The following ASAP1 variants were observed in gnomAD, a reference collection of about 807,000 sequenced individuals.
ASAP1 encodes arf-GAP with SH3 domain, ANK repeat and PH domain-containing protein 1.
ASAP1 carries 43 observed loss-of-function variants against 145.2 expected under a neutral mutation model. The observed-to-expected ratio is 0.30, with a 90% CI of 0.23 to 0.38. ASAP1 has a LOEUF of 0.38. Among genes scored for constraint, ASAP1 ranks in the 10% least tolerant of loss-of-function variants. The pLI, the probability that ASAP1 is intolerant of heterozygous loss-of-function variation, is 1.00. For missense variants in ASAP1, 1,018 were observed against 1,355.3 expected (o/e 0.75, Z 3.91); for synonymous variants, 546 against 515.5 (o/e 1.06, Z -0.80).
intron 2 of ASAP1, among the ~76,000 whole-genome samples, chr8:130,373,375 C>T (rs1827322902): frequency 6.6e-6 from 1 of 152,096 alleles, no homozygotes; most frequent in Admixed American, 6.5e-5. Context: ...AAACTGAACA[C>T]AGCAGTTATG....
chr8:130,395,330 C>G (rs535668669), intron 2 of ASAP1, among the ~76,000 whole-genome samples: 68 of 152,346 alleles, frequency 4.5e-4, no homozygotes, highest in African/African-American at 1.4e-3. Flanking sequence ...TTAGCCACCC[C>G]CTCATCCATG....
intron 24 of ASAP1, among the ~76,000 whole-genome samples, 194 bp from the exon 25 acceptor site, chr8:130,092,337 T>A (rs200537060): frequency 1.3e-5 from 2 of 148,582 alleles, no homozygotes; most frequent in African/African-American, 4.9e-5. Flanking sequence ...AAAAAAAAAA[T>A]AAAATTGGCC....
At chr8:130,195,992 G>C (rs1164207375) in intron 5 of ASAP1, among the ~76,000 whole-genome samples, 1 of 152,154 alleles carries the variant, frequency 6.6e-6, no homozygotes, top group Non-Finnish European at 1.5e-5. Flanking sequence ...CTTCTTAAGG[G>C]GAGGCCCTGT....
intron 1 of ASAP1, among the ~76,000 whole-genome samples, chr8:130,407,993 G>A (rs1373451429): frequency 6.6e-6 from 1 of 152,136 alleles, no homozygotes; most frequent in Non-Finnish European, 1.5e-5. Context: ...TAGAAAATCA[G>A]GGACCTAAAG....
chr8:130,082,350 C>A (rs1564938050), intron 25 of ASAP1, among the ~76,000 whole-genome samples: 1 of 151,842 alleles, frequency 6.6e-6, no homozygotes, highest in Non-Finnish European at 1.5e-5. Context: ...CAAGGTAGGG[C>A]ATTTATTTTT....
chr8:130,300,147 CACACACAGAGAGAG>C (rs769173106), intron 3 of ASAP1, among the ~76,000 whole-genome samples: 102 of 100,328 alleles, frequency 1.0e-3, no homozygotes, highest in Non-Finnish European at 1.6e-3. Context: ...CACACACACA[CACACACAGAGAGAG>C]AGAGAGAGAG....
At chr8:130,390,308 G>C (rs891900001) in intron 2 of ASAP1, among the ~76,000 whole-genome samples, 3 of 152,214 alleles carry the variant, frequency 2.0e-5, no homozygotes, top group Non-Finnish European at 4.4e-5. Flanking sequence ...ACATGTGGCA[G>C]ACACAGAATA....
intron 25 of ASAP1, among the ~76,000 whole-genome samples, chr8:130,087,525 A>G (rs1421287833): frequency 6.6e-6 from 1 of 152,094 alleles, no homozygotes; most frequent in African/African-American, 2.4e-5. Flanking sequence ...TTCGAAATAA[A>G]AAAAAGAGAA....
At chr8:130,186,436 C>T (rs1196947716) in intron 7 of ASAP1, among the ~76,000 whole-genome samples, 2 of 152,128 alleles carry the variant, frequency 1.3e-5, no homozygotes. Flanking sequence ...TTGTCCAAGA[C>T]TTTTATTAAA....
In ASAP1 at chr8:130,300,153, C is replaced by CAG. The variant is rs369720584; in HGVS notation, c.186+57862_186+57863dup. 4.4e-3 allele frequency among the ~76,000 whole-genome samples: 340 copies of CAG among 76,896 alleles called. 3 individuals carry two copies. Among genetic ancestry groups the CAG allele is most frequent in the Non-Finnish European group, 5.5e-3 (222 of 40,536 alleles). 50.4% of individuals were successfully genotyped at this position (76,896 alleles called of 152,430 possible). ...ACACACACACACACACACACACACA[C>CAG]AGAGAGAGAGAGAGAGAGAGAGAGA... On this transcript the variant is annotated intron_variant, in intron 3 of 29. Coordinates refer to ENST00000518721, the MANE Select transcript of ASAP1 (RefSeq NM_018482.4).
chr8:130,085,731 T>A (rs1393427211), intron 25 of ASAP1, among the ~76,000 whole-genome samples: 6 of 126,216 alleles, frequency 4.8e-5, no homozygotes, highest in African/African-American at 1.9e-4. Flanking sequence ...CAAGACGTTG[T>A]CTTTAAGAAA....
intron 2 of ASAP1, among the ~76,000 whole-genome samples, chr8:130,398,120 G>T (rs577780088): frequency 3.3e-5 from 5 of 152,328 alleles, no homozygotes; most frequent in Admixed American, 6.5e-5. Context: ...TCAGCTACAT[G>T]ACATGTTTTT....
intron 27 of ASAP1, among the ~76,000 whole-genome samples, chr8:130,075,532 G>A (rs7008180): frequency 3.3e-5 from 5 of 152,082 alleles, no homozygotes; most frequent in African/African-American, 7.3e-5. Flanking sequence ...TGAGCTCCTC[G>A]GAGCTTCCGT....
intron 2 of ASAP1, among the ~76,000 whole-genome samples, chr8:130,383,188 C>T (rs1245228000): frequency 6.6e-6 from 1 of 152,172 alleles, no homozygotes; most frequent in Non-Finnish European, 1.5e-5. Context: ...TGCCAAACCT[C>T]CCTGCAAGGC....
At chr8:130,079,092 G>A (rs1422406926) in intron 26 of ASAP1, among the ~76,000 whole-genome samples, 2 of 152,298 alleles carry the variant, frequency 1.3e-5, no homozygotes, top group East Asian at 1.9e-4. Context: ...CTACTCGGGA[G>A]GCTGAGGCAG....
At chr8:130,379,967 C>T (rs1442093903) in intron 2 of ASAP1, among the ~76,000 whole-genome samples, 3 of 152,124 alleles carry the variant, frequency 2.0e-5, no homozygotes, top group Non-Finnish European at 4.4e-5. Flanking sequence ...AGGAGACTGG[C>T]CAGGATCCCC....
chr8:130,150,516 A>G (rs2097643602), intron 13 of ASAP1, among the ~76,000 whole-genome samples: 1 of 152,206 alleles, frequency 6.6e-6, no homozygotes, highest in African/African-American at 2.4e-5. Context: ...ATGCCTAGTG[A>G]GGACTGTTAC....
At chr8:130,273,448 C>T (rs1037732005) in intron 3 of ASAP1, among the ~76,000 whole-genome samples, 3 of 152,072 alleles carry the variant, frequency 2.0e-5, no homozygotes, top group Admixed American at 6.6e-5. Context: ...CAAGGAACTG[C>T]GGGGGACATG....
At chr8:130,274,056 CA>C (rs1416838362) in intron 3 of ASAP1, among the ~76,000 whole-genome samples, 1 of 152,098 alleles carries the variant, frequency 6.6e-6, no homozygotes, top group Non-Finnish European at 1.5e-5. Flanking sequence ...TCCCCATCTC[CA>C]AAAAGGTAAT....
Sources: allele counts gnomAD v4.1 joint callset (sites outside exome capture counted in the v4.1 genomes callset), GRCh38; gene constraint gnomAD v4.1.1; transcripts MANE v1.5; gene names NCBI Gene and HGNC (gene_info 2026-07-23, HGNC 2026-07-21).